The following ADGRV1 variants were observed in gnomAD, a reference collection of about 807,000 sequenced individuals.
The protein encoded by ADGRV1 is G-protein coupled receptor 98.
Under a neutral mutation model 596.2 loss-of-function variants are expected in ADGRV1, and 359 were observed. The observed-to-expected ratio is 0.60, with a 90% CI of 0.55 to 0.66. The LOEUF is 0.66. Ranked by LOEUF, ADGRV1 falls within the 30% of genes least tolerant of loss-of-function variation. The pLI, the probability that ADGRV1 is intolerant of heterozygous loss-of-function variation, is 0.00. For synonymous variants in ADGRV1, 2,681 were observed against 2,679.2 expected (o/e 1.00, Z -0.02); for missense variants, 7,274 against 7,575.6 (o/e 0.96, Z 1.48).
At position 90,985,415 on chromosome 5, in the gene ADGRV1, T is replaced by A. The variant is rs770017989; in HGVS notation, c.18045T>A (p.Leu6015=). 1.2e-6 allele frequency: 2 copies of A among 1,613,804 alleles called. No individual in the cohort carries two copies. Among genetic ancestry groups the A allele is most frequent in the South Asian group, 2.2e-5 (2 of 91,070 alleles). The change falls in exon 85 of 90, where the codon CTT becomes CTA. Residue 6015 remains leucine (L), a synonymous_variant. Coordinates refer to ENST00000405460, the MANE Select transcript of ADGRV1 (RefSeq NM_032119.4). The part of the protein sequence containing the change: ...HTERRYLLFF[L]LSWGLPAFVV... ...AGAGGCGATATCTGCTGTTTTTCCT[T>A]CTGAGTTGGGGACTACCAGCTTTTG...
At chr5:91,075,689 A>G (rs553046462) in intron 86 of ADGRV1, among the ~76,000 whole-genome samples, 2 of 152,246 alleles carry the variant, frequency 1.3e-5, no homozygotes, top group Admixed American at 6.5e-5. Flanking sequence ...TCTGATTGGT[A>G]TCTCTGGTTC....
intron 83 of ADGRV1, among the ~76,000 whole-genome samples, chr5:90,934,249 T>C (rs948259187): frequency 2.0e-5 from 3 of 152,210 alleles, no homozygotes; most frequent in Non-Finnish European, 4.4e-5. Context: ...TTCCAGGCCT[T>C]TGATCTCTTC....
chr5:90,875,170 G>A (rs540644384), intron 83 of ADGRV1, among the ~76,000 whole-genome samples: 22 of 152,280 alleles, frequency 1.4e-4, no homozygotes, highest in African/African-American at 5.3e-4. Flanking sequence ...TCTAGCCTGG[G>A]AAACAGAGCA....
intron 67 of ADGRV1, among the ~76,000 whole-genome samples, chr5:90,785,745 G>A (rs1581118248): frequency 6.6e-6 from 1 of 152,122 alleles, no homozygotes; most frequent in Admixed American, 6.5e-5. Context: ...AAAAAGTCAG[G>A]AAACAACAGA....
chr5:90,962,387 T>C (rs1778109564), intron 83 of ADGRV1, among the ~76,000 whole-genome samples: 1 of 152,240 alleles, frequency 6.6e-6, no homozygotes, highest in African/African-American at 2.4e-5. Flanking sequence ...CTTTTTTCTG[T>C]TCATGTTCAA....
chr5:90,958,088 C>G (rs751818005), intron 83 of ADGRV1, among the ~76,000 whole-genome samples: 33 of 151,556 alleles, frequency 2.2e-4, no homozygotes, highest in Admixed American at 7.9e-4. Flanking sequence ...CCAGCCTAGG[C>G]AACATGCCAA....
At chr5:90,865,231 T>C (rs1489491764) in intron 83 of ADGRV1, among the ~76,000 whole-genome samples, 1 of 152,168 alleles carries the variant, frequency 6.6e-6, no homozygotes, top group East Asian at 1.9e-4. Flanking sequence ...ATATTGCCTT[T>C]GTAACCTGCC....
At chr5:91,109,254 A>C (rs1250292243) in intron 87 of ADGRV1, among the ~76,000 whole-genome samples, 1 of 152,184 alleles carries the variant, frequency 6.6e-6, no homozygotes, top group Non-Finnish European at 1.5e-5. Flanking sequence ...TAGTTTAAAA[A>C]ATTAAACTGT....
intron 1 of ADGRV1, among the ~76,000 whole-genome samples, chr5:90,603,403 T>C (rs182407980): frequency 1.9e-4 from 29 of 152,318 alleles, no homozygotes; most frequent in African/African-American, 6.7e-4. Context: ...GTATGGGTGG[T>C]GCTCATATAA....
At chr5:91,104,649 T>C (rs1791684692) in intron 87 of ADGRV1, among the ~76,000 whole-genome samples, 1 of 152,118 alleles carries the variant, frequency 6.6e-6, no homozygotes, top group Non-Finnish European at 1.5e-5. Context: ...GAGATCAACA[T>C]TTTTTAGCTT....
chr5:91,133,636 A>C (rs924482041), intron 87 of ADGRV1, among the ~76,000 whole-genome samples: 1 of 152,234 alleles, frequency 6.6e-6, no homozygotes, highest in Non-Finnish European at 1.5e-5. Context: ...TGTGGACGAC[A>C]ATGTTACAAA....
chr5:90,790,030 TC>T (rs1759892165), intron 69 of ADGRV1, among the ~76,000 whole-genome samples, 179 bp downstream of exon 69: 5 of 152,344 alleles, frequency 3.3e-5, no homozygotes, highest in Non-Finnish European at 7.3e-5. Flanking sequence ...AGCATCAACC[TC>T]TAGCTATCTC....
intron 45 of ADGRV1, among the ~76,000 whole-genome samples, chr5:90,721,351 A>C (rs1019289138): frequency 6.6e-6 from 1 of 151,492 alleles, no homozygotes; most frequent in East Asian, 1.9e-4. Flanking sequence ...AAAAATACAA[A>C]AAATTAGCCG....
At chr5:90,765,718 T>C (rs778986192) in intron 59 of ADGRV1, among the ~76,000 whole-genome samples, 9 of 151,940 alleles carry the variant, frequency 5.9e-5, no homozygotes, top group Admixed American at 1.3e-4. Context: ...TTGTTTGTTT[T>C]TGGAGACAAG....
intron 48 of ADGRV1, 79 bp from the exon 49 acceptor site, chr5:90,728,590 A>G (rs1299974824): frequency 8.6e-7 from 1 of 1,164,042 alleles, no homozygotes; most frequent in East Asian, 2.4e-5. Context: ...CAAGAGAGTA[A>G]ACATATGGTA....
intron 83 of ADGRV1, among the ~76,000 whole-genome samples, chr5:90,900,414 C>G (rs922075493): frequency 1.9e-4 from 28 of 149,616 alleles, no homozygotes; most frequent in African/African-American, 6.9e-4. Context: ...AAATAAATAT[C>G]TACTTGTACT....
chr5:90,945,087 C>T (rs1366406327), intron 83 of ADGRV1, among the ~76,000 whole-genome samples: 2 of 152,120 alleles, frequency 1.3e-5, no homozygotes, highest in Admixed American at 1.3e-4. Context: ...ATCACCAACA[C>T]AATCATGGTT....
At chr5:90,746,464 GTA>G (rs1754640688) in intron 52 of ADGRV1, among the ~76,000 whole-genome samples, 1 of 152,136 alleles carries the variant, frequency 6.6e-6, no homozygotes, top group Admixed American at 6.5e-5. Flanking sequence ...CAGCTATCAT[GTA>G]TCTTTCTCTG....
chr5:90,911,266 T>C (rs942912085), intron 83 of ADGRV1, among the ~76,000 whole-genome samples: 7 of 152,132 alleles, frequency 4.6e-5, no homozygotes, highest in African/African-American at 1.4e-4. Context: ...TTAACTTAGG[T>C]CACTTTTTTC....
Sources: gnomAD v4.1 joint callset for allele counts (sites outside exome capture counted in the v4.1 genomes callset) on GRCh38, gnomAD v4.1.1 for gene constraint, MANE v1.5 for transcripts, NCBI Gene and HGNC (gene_info 2026-07-23, HGNC 2026-07-21) for gene names.